The following CUTA variants were observed in gnomAD, a reference collection of about 807,000 sequenced individuals.
CUTA encodes cutA divalent cation tolerance homolog.
Under a neutral mutation model 20.7 loss-of-function variants are expected in CUTA, and 21 were observed. The ratio of observed to expected loss-of-function variants is 1.01; its 90% CI spans 0.72 to 1.46. The LOEUF (loss-of-function observed/expected upper bound fraction) is 1.46. Ranked by LOEUF, CUTA falls within the 40% of genes most tolerant of loss-of-function variation. The probability of loss-of-function intolerance (pLI) is 0.00; values close to 1 mark genes in which losing one functional copy is unlikely to be tolerated. For missense variants in CUTA, 231 were observed against 226.8 expected (o/e 1.02, Z -0.12); for synonymous variants, 99 against 97.9 (o/e 1.01, Z -0.07).
Position 33,416,645 on chromosome 6 carries a change from G to A in CUTA, c.*5C>T, listed in dbSNP as rs1776500949. ...GATCTTCATGATGAGCAGGAACAGGGCTCATCATGGCAGGACTGTGATAGA... is the reference window on the plus strand; with the variant it reads ...GATCTTCATGATGAGCAGGAACAGGACTCATCATGGCAGGACTGTGATAGA... On this transcript the variant is annotated 3_prime_UTR_variant, in exon 6 of 6. Transcript: ENST00000488034. 6.7e-7 allele frequency: 1 copy of A among 1,485,120 alleles called. No homozygotes were observed. The highest frequency in any genetic ancestry group is 1.4e-5 in the African/African-American group (1 of 72,276). The allele number at this position is 1,485,120 out of a possible 1,614,324, so 92.0% of individuals were successfully genotyped here. A position where few individuals can be genotyped will look rare whatever the true frequency, so the allele number is the denominator to read the frequency against.
rs1417848237 is a variant in CUTA at position 33,416,604 on chromosome 6, G to A, written c.*46C>T. 5.3e-6 allele frequency: 6 copies of A among 1,125,704 alleles called. No homozygotes were observed. The highest frequency in any genetic ancestry group is 1.7e-5 in the Admixed American group (1 of 58,884). 69.7% of individuals were successfully genotyped at this position (1,125,704 alleles called of 1,614,324 possible). ...AGTCATCACCTGGAAGTCAGAAGGC[G>A]TTGAAGTATCGCGGGGATCTTCATG... is the stretch of plus-strand genomic sequence containing the variant. On this transcript the variant is annotated 3_prime_UTR_variant, in exon 6 of 6. Coordinates refer to ENST00000488034, the MANE Select transcript of CUTA (RefSeq NM_001014840.2).
At position 33,416,957 on chromosome 6, in the gene CUTA, G is replaced by T. The variant is rs114540573; in HGVS notation, c.376C>A (p.Gln126Lys). 1.4e-4 allele frequency: 226 copies of T among 1,614,152 alleles called. 1 individual carries two copies. In the African/African-American group the frequency reaches 2.8e-3, roughly 20 times the overall value. ...GTCAAAGCTGGGACCAAGGAACTTTGGGTTTTAATCATCTAAGGGACAAAG... is the reference window on the plus strand; with the variant it reads ...GTCAAAGCTGGGACCAAGGAACTTTTGGTTTTAATCATCTAAGGGACAAAG... Reference protein sequence around the residue: ...DSEVLMMIKTQSSLVPALTDF... With the variant: ...DSEVLMMIKTKSSLVPALTDF... The change falls in exon 5 of 6, where the codon CAA becomes AAA. Residue 126 changes from glutamine (Q) to lysine (K), a missense_variant. Coordinates refer to ENST00000488034, the MANE Select transcript of CUTA (RefSeq NM_001014840.2).
chr6:33,417,279 C>T lies in CUTA; in HGVS notation c.289G>A (p.Val97Ile). 3 of 1,614,172 alleles carry T rather than the reference C, an allele frequency of 1.9e-6. No individual in the cohort carries two copies. The highest frequency in any genetic ancestry group is 1.7e-6 in the Non-Finnish European group (2 of 1,180,028). The change falls in exon 3 of 6, where the codon GTC (valine) becomes ATC (isoleucine). Residue 97 changes from valine to isoleucine, a missense_variant. Val to Ile is a conservative substitution (Grantham distance 29, BLOSUM62 3). Coordinates refer to ENST00000488034, the MANE Select transcript of CUTA (RefSeq NM_001014840.2). ...GATGTAATCTGAGGGATGAGGTTGA[C>T]GCAGGCTGCTAGGCGCTTCTCCACC... ...AVVEKRLAAC[V>I]NLIPQITSIY... is the part of the protein sequence containing the mutation.
rs1273166353 is a variant in CUTA at position 33,417,388 on chromosome 6, A to C, written c.258-78T>G. 4.3e-6 allele frequency: 7 copies of C among 1,612,742 alleles called. No individual in the cohort carries two copies. The South Asian group carries it at 7.7e-5, about 18-fold the overall frequency. On this transcript the variant is annotated intron_variant, in intron 2 of 5. Coordinates refer to ENST00000488034, the MANE Select transcript of CUTA (RefSeq NM_001014840.2). The stretch of plus-strand genomic sequence containing the variant: ...ACTGGCAGCCCAGAGACAGGCTTCC[A>C]GAGCTGGAGAAAGGAGAAAGCAGCA...
intron 1 of CUTA, 95 bp downstream of exon 1, chr6:33,417,864 C>G: frequency 6.4e-7 from 1 of 1,555,100 alleles, no homozygotes; most frequent in African/African-American, 1.4e-5. Context: ...GCTCATTTCA[C>G]TCACACCTCA....
rs73402303 is a variant in CUTA, at chr6:33,417,229, C to T, written c.317+22G>A. The T allele has an allele frequency of 0.011, 18,447 of 1,613,934 alleles. 1,853 individuals carry two copies. The African/African-American group carries it at 0.22, about 19-fold the overall frequency. On this transcript the variant is annotated intron_variant, in intron 3 of 5. Coordinates refer to ENST00000488034, the MANE Select transcript of CUTA (RefSeq NM_001014840.2). ...CAGTCAGCTCCTACAGTTAGGTTAA[C>T]CCCCCAACTCCTATGACTCACATGG...
chr6:33,418,011 C>A lies in CUTA; in HGVS notation c.-11G>T. ...CCGCCCCCCACTCATGCGGCCTACG[C>A]TGGTACAGGAGAGTTGATCTCAAAG... On this transcript the variant is annotated 5_prime_UTR_variant, in exon 1 of 6. Transcript: ENST00000488034. This position sits in a 1 kb window ranked among gnomAD's most constrained non-coding sequence, Gnocchi z 5.7. 10 of 1,613,916 alleles carry A rather than the reference C, an allele frequency of 6.2e-6. No individual in the cohort carries two copies. The highest frequency in any genetic ancestry group is 6.8e-6 in the Non-Finnish European group (8 of 1,179,882).
intron 1 of CUTA, 56 bp downstream of exon 1, chr6:33,417,903 G>A: frequency 1.9e-6 from 3 of 1,584,876 alleles, no homozygotes; most frequent in Non-Finnish European, 2.6e-6. Flanking sequence ...TTTAGGGTGC[G>A]GGTAGCGGTC....
rs141684599 is a variant in CUTA at position 33,416,953 on chromosome 6, C to A, written c.380G>T (p.Ser127Ile). 1 of 1,614,068 alleles carries A rather than the reference C, an allele frequency of 6.2e-7. No individual in the cohort carries two copies. Reference sequence around the variant, plus strand: ...ATCTGTCAAAGCTGGGACCAAGGAACTTTGGGTTTTAATCATCTAAGGGAC... The same window carrying A: ...ATCTGTCAAAGCTGGGACCAAGGAAATTTGGGTTTTAATCATCTAAGGGAC... Reference protein sequence around the residue: ...SEVLMMIKTQSSLVPALTDFV... With the variant: ...SEVLMMIKTQISLVPALTDFV... Residue 127 changes from serine to isoleucine, a missense_variant, in exon 5 of 6, where the codon AGT becomes ATT. By Grantham distance (142) the Ser-to-Ile change is moderately radical (BLOSUM62 -2). Coordinates refer to ENST00000488034, the MANE Select transcript of CUTA (RefSeq NM_001014840.2).
chr6:33,417,670 C>T lies in CUTA; in HGVS notation c.68G>A (p.Trp23Ter), dbSNP rs750132891. Residue 23 changes from tryptophan (W) to a stop codon, truncating the protein, a stop_gained, in exon 2 of 6, where the codon TGG becomes TAG. Transcript: ENST00000488034. LOFTEE classifies it high-confidence loss of function. ...GGCCACAGGCAGCAGCGCCGGCATC[C>T]AAACAAAAGACAGGAGCAGAGAGGC... Reference protein sequence around the residue: ...GVASLLLSFVWMPALLPVASR... With the variant: ...GVASLLLSFV 40 of 1,610,892 alleles carry T rather than the reference C, an allele frequency of 2.5e-5. No individual in the cohort carries two copies. Among genetic ancestry groups the T allele is most frequent in the Non-Finnish European group, 3.4e-5 (40 of 1,178,580 alleles).
At chr6:33,416,852 C>G in intron 5 of CUTA, 68 bp downstream of exon 5, 1 of 1,606,752 alleles carries the variant, frequency 6.2e-7, no homozygotes, top group South Asian at 1.1e-5. Context: ...ACACGCAAGC[C>G]CTAGACTGCC....
At position 33,417,473 on chromosome 6, in the gene CUTA, G is replaced by T; in HGVS notation, c.257+8C>A. 6.2e-7 allele frequency: 1 copy of T among 1,614,018 alleles called. No homozygotes were observed. On this transcript the variant is annotated splice_region_variant and intron_variant, in intron 2 of 5. Coordinates refer to ENST00000488034, the MANE Select transcript of CUTA (RefSeq NM_001014840.2). ...TCATCCTTTCTCGCTGCACATCGAG[G>T]TCCCTACCTGGCGATCTCCTTGGCG... is the stretch of plus-strand genomic sequence containing the variant.
Position 33,417,310 on chromosome 6 carries a change from C to T in CUTA, c.258G>A (p.Arg86=), listed in dbSNP as rs374469503. ...CTGCTAGGCGCTTCTCCACCACGGCCCTGGAGTGAAGAGACAGTCCCATTC... is the reference window on the plus strand; with the variant it reads ...CTGCTAGGCGCTTCTCCACCACGGCTCTGGAGTGAAGAGACAGTCCCATTC... ...PNEKVAKEIA[R]AVVEKRLAAC... The change falls in exon 3 of 6, where the codon AGG becomes AGA. Residue 86 remains arginine, a splice_region_variant and synonymous_variant. Coordinates refer to ENST00000488034, the MANE Select transcript of CUTA (RefSeq NM_001014840.2). 29 of 1,614,050 alleles carry T rather than the reference C, an allele frequency of 1.8e-5. No homozygotes were observed. The highest frequency in any genetic ancestry group is 2.4e-5 in the Non-Finnish European group (28 of 1,180,042).
At chr6:33,417,819 G>T (rs970843769) in intron 1 of CUTA, 124 bp from the exon 2 acceptor site, 59 of 1,543,610 alleles carry the variant, frequency 3.8e-5, no homozygotes, top group Non-Finnish European at 4.8e-5. Context: ...GAATGCCCCT[G>T]AAGGTGAGAG....
chr6:33,416,859 T>G, intron 5 of CUTA, 61 bp downstream of exon 5: 1 of 1,608,312 alleles, frequency 6.2e-7, no homozygotes, highest in Non-Finnish European at 8.5e-7. Context: ...AGCCCTAGAC[T>G]GCCCAGCAAG....
intron 2 of CUTA, 65 bp from the exon 3 acceptor site, chr6:33,417,375 G>C: frequency 2.5e-6 from 4 of 1,612,528 alleles, no homozygotes; most frequent in Non-Finnish European, 3.4e-6. Flanking sequence ...TGGCAGCCCA[G>C]AGACAGGCTT....
At chr6:33,416,868 A>G (rs1353735817) in intron 5 of CUTA, 52 bp downstream of exon 5, 28 of 1,610,228 alleles carry the variant, frequency 1.7e-5, no homozygotes, top group Non-Finnish European at 2.2e-5. Flanking sequence ...CTGCCCAGCA[A>G]GTCACACCCA....
In CUTA at chr6:33,417,639, G is replaced by A; in HGVS notation, c.99C>T (p.Arg33=). 6.2e-7 allele frequency: 1 copy of A among 1,613,370 alleles called. No individual in the cohort carries two copies. The highest frequency in any genetic ancestry group is 1.1e-5 in the South Asian group (1 of 91,070). ...WMPALLPVAS[R]LLLLPRVLLT... ...GCAAGACTCGGGGTAGCAACAAAAG[G>A]CGGGAGGCCACAGGCAGCAGCGCCG... The change falls in exon 2 of 6, where the codon CGC becomes CGT. Residue 33 remains arginine, a synonymous_variant. Coordinates refer to ENST00000488034, the MANE Select transcript of CUTA (RefSeq NM_001014840.2).
Position 33,417,604 on chromosome 6 carries a change from G to A in CUTA, c.134C>T (p.Ala45Val). Residue 45 changes from alanine to valine, a missense_variant, in exon 2 of 6, where the codon GCC becomes GTC. Ala to Val is a moderately conservative substitution (Grantham distance 64, BLOSUM62 0). Transcript: ENST00000488034. ...LLLPRVLLTM[A>V]SGSPPTQPSP... The stretch of plus-strand genomic sequence containing the variant: ...GGGCTGGGTCGGAGGGCTTCCAGAG[G>A]CCATGGTCAGCAAGACTCGGGGTAG... The A allele has an allele frequency of 6.2e-7, 1 of 1,614,098 alleles. No individual in the cohort carries two copies. The highest frequency in any genetic ancestry group is 2.2e-5 in the East Asian group (1 of 44,886).
Sources: gnomAD v4.1 joint callset for allele counts on GRCh38, gnomAD v4.1.1 for gene constraint, Gnocchi (gnomAD v3.1) non-coding constraint, MANE v1.5 for transcripts, NCBI Gene and HGNC (gene_info 2026-07-23, HGNC 2026-07-21) for gene names.